MTM1: variants seen among roughly 807,000 people sequenced by gnomAD.
MTM1 encodes myotubularin.
In MTM1, 9 loss-of-function variants were observed where a neutral mutation model predicts 52.1. The ratio of observed to expected loss-of-function variants is 0.17; its 90% CI spans 0.10 to 0.30. The LOEUF is 0.30. Ranked by LOEUF, MTM1 falls within the 10% of genes least tolerant of loss-of-function variation. The pLI, the probability that MTM1 is intolerant of heterozygous loss-of-function variation, is 1.00. For synonymous variants in MTM1, 136 were observed against 163.8 expected (o/e 0.83, Z 1.29); for missense variants, 277 against 470.7 (o/e 0.59, Z 3.81).
chrX:150,665,696 G>T (rs1197576651), intron 14 of MTM1, among the ~76,000 whole-genome samples: 1 of 112,190 alleles, frequency 8.9e-6, no homozygotes, highest in Non-Finnish European at 1.9e-5. Context: ...CTCAAAGAAG[G>T]CAGGATTAGT....
intron 4 of MTM1, among the ~76,000 whole-genome samples, chrX:150,605,314 T>C (rs923127643): frequency 1.8e-5 from 2 of 112,403 alleles, no homozygotes; most frequent in African/African-American, 6.5e-5. Flanking sequence ...GAGCAGATCC[T>C]AACCCTTGGT....
At chrX:150,591,875 C>G (rs1557412494) in intron 1 of MTM1, among the ~76,000 whole-genome samples, 1 of 112,643 alleles carries the variant, frequency 8.9e-6, no homozygotes. Flanking sequence ...TTATATGTAT[C>G]TATCTGTGTC....
intron 5 of MTM1, among the ~76,000 whole-genome samples, chrX:150,616,288 A>G (rs1290300878): frequency 3.6e-5 from 4 of 111,889 alleles, no homozygotes; most frequent in Admixed American, 1.9e-4. Context: ...ATGTTGTAGC[A>G]CAACCTTTTA....
chrX:150,606,959 C>T (rs1252136602), intron 4 of MTM1, among the ~76,000 whole-genome samples: 1 of 78,573 alleles, frequency 1.3e-5, no homozygotes, highest in Non-Finnish European at 2.5e-5. Context: ...TCCCCCTCCC[C>T]TCCCCCTCCC....
chrX:150,594,084 C>T (rs2038935064), intron 2 of MTM1, among the ~76,000 whole-genome samples: 2 of 108,736 alleles, frequency 1.8e-5, no homozygotes, highest in African/African-American at 6.7e-5. Flanking sequence ...TTATGTGTTC[C>T]GTGTGTGTGT....
chrX:150,622,887 C>T (rs1317161066), intron 6 of MTM1, among the ~76,000 whole-genome samples: 2 of 111,776 alleles, frequency 1.8e-5, no homozygotes, highest in Non-Finnish European at 3.8e-5. Flanking sequence ...ACAGAATTGA[C>T]AGCAAGCCAC....
intron 6 of MTM1, among the ~76,000 whole-genome samples, chrX:150,632,937 C>G (rs2039694429): frequency 1.8e-5 from 2 of 110,627 alleles, no homozygotes; most frequent in African/African-American, 3.3e-5. Flanking sequence ...CACATAGATC[C>G]AGAGCTCTGG....
intron 14 of MTM1, among the ~76,000 whole-genome samples, chrX:150,665,745 T>C (rs782175696): frequency 1.4e-4 from 16 of 112,510 alleles, no homozygotes; most frequent in African/African-American, 4.8e-4. Flanking sequence ...CTTGCTGACA[T>C]AAAATCTCAG....
chrX:150,641,340 T>G lies in MTM1; in HGVS notation c.600T>G (p.Ala200=). 3 of 1,211,549 alleles carry G rather than the reference T, an allele frequency of 2.5e-6. No individual in the cohort carries two copies. Among genetic ancestry groups the G allele is most frequent in the Non-Finnish European group, 3.4e-6 (3 of 895,294 alleles). The change falls in exon 8 of 15, where the codon GCT becomes GCG. Residue 200 remains alanine (A), a synonymous_variant. Coordinates refer to ENST00000370396, the MANE Select transcript of MTM1 (RefSeq NM_000252.3). ...ATGAGCTCTGTGACACTTACCCTGCTCTTTTGGTGGTTCCGTATCGTGCCT... is the reference window on the plus strand; with the variant it reads ...ATGAGCTCTGTGACACTTACCCTGCGCTTTTGGTGGTTCCGTATCGTGCCT... ...KCYELCDTYP[A]LLVVPYRASD... is the part of the protein sequence containing the mutation.
intron 6 of MTM1, among the ~76,000 whole-genome samples, chrX:150,635,054 G>A (rs1355819341): frequency 2.7e-5 from 3 of 110,775 alleles, no homozygotes; most frequent in African/African-American, 9.9e-5. Context: ...TTAGCCTCTG[G>A]AAAAAGCAGC....
upstream of MTM1, among the ~76,000 whole-genome samples, chrX:150,567,740 G>T (rs1436275153): frequency 1.8e-5 from 2 of 111,121 alleles, no homozygotes; most frequent in Non-Finnish European, 3.8e-5. Context: ...TTTTAGTAGA[G>T]ACGAGGTTTC....
chrX:150,596,958 C>T (rs782187103), intron 3 of MTM1: 16 of 145,502 alleles, frequency 1.1e-4, no homozygotes, highest in Non-Finnish European at 1.6e-4. Context: ...TCATTCTCCT[C>T]TTTGAAATAT....
chrX:150,628,526 A>G (rs912644817), intron 6 of MTM1, among the ~76,000 whole-genome samples: 2 of 99,684 alleles, frequency 2.0e-5, no homozygotes, highest in Non-Finnish European at 4.4e-5. Context: ...ATGGCTTCCA[A>G]ATATAAAGCA....
At chrX:150,661,061 G>A (rs1395016424) in intron 13 of MTM1, among the ~76,000 whole-genome samples, 2 of 110,628 alleles carry the variant, frequency 1.8e-5, no homozygotes, top group Non-Finnish European at 3.8e-5. Flanking sequence ...TTTCACTGTC[G>A]CCCAGGCTGG....
At chrX:150,627,924 C>A (rs912675761) in intron 6 of MTM1, among the ~76,000 whole-genome samples, 1 of 111,952 alleles carries the variant, frequency 8.9e-6, no homozygotes, top group Non-Finnish European at 1.9e-5. Context: ...CGTCCACATA[C>A]TACTTAAGGG....
chrX:150,620,140 G>A (rs146507446), intron 6 of MTM1, among the ~76,000 whole-genome samples: 4 of 112,236 alleles, frequency 3.6e-5, no homozygotes, highest in African/African-American at 1.3e-4. Context: ...AAGTGAGAAT[G>A]TGAGTCTAAT....
chrX:150,567,751 A>G (rs1488213326), upstream of MTM1, among the ~76,000 whole-genome samples: 1 of 111,324 alleles, frequency 9.0e-6, no homozygotes, highest in Non-Finnish European at 1.9e-5. Context: ...ACGAGGTTTC[A>G]CCATGTCGTC....
At chrX:150,594,220 G>A (rs1175851692) in intron 2 of MTM1, among the ~76,000 whole-genome samples, 2 of 107,860 alleles carry the variant, frequency 1.9e-5, no homozygotes, top group African/African-American at 6.7e-5. Flanking sequence ...AGTGATTCTC[G>A]TGCCTCAGCC....
At chrX:150,577,519 A>G (rs1322129258) in intron 1 of MTM1, among the ~76,000 whole-genome samples, 1 of 112,435 alleles carries the variant, frequency 8.9e-6, no homozygotes, top group African/African-American at 3.2e-5. Context: ...ACAAATTCCT[A>G]GTGACTAGTA....
Sources: allele counts gnomAD v4.1 joint callset (sites outside exome capture counted in the v4.1 genomes callset), GRCh38; gene constraint gnomAD v4.1.1; transcripts MANE v1.5; gene names NCBI Gene and HGNC (gene_info 2026-07-23, HGNC 2026-07-21).